The following RXRA variants were observed in gnomAD, a reference collection of about 807,000 sequenced individuals.
RXRA encodes the protein retinoid X receptor alpha, also known as retinoic acid receptor RXR-alpha.
RXRA carries 5 observed loss-of-function variants against 44.5 expected under a neutral mutation model. The ratio of observed to expected loss-of-function variants is 0.11; its 90% CI spans 0.06 to 0.24. The LOEUF (loss-of-function observed/expected upper bound fraction) is 0.24. Among genes scored for constraint, RXRA ranks in the 10% least tolerant of loss-of-function variants. The pLI is 1.00. For synonymous variants in RXRA, 291 were observed against 271.4 expected (o/e 1.07, Z -0.71); for missense variants, 412 against 646.5 (o/e 0.64, Z 3.93).
At chr9:134,372,810 G>A (rs1830506787) in intron 1 of RXRA, among the ~76,000 whole-genome samples, 1 of 152,240 alleles carries the variant, frequency 6.6e-6, no homozygotes, top group South Asian at 2.1e-4. Context: ...CTCTGCCCTT[G>A]TAGGCTGTGT....
At chr9:134,397,985 TA>T (rs1564284771) in intron 1 of RXRA, among the ~76,000 whole-genome samples, 5 of 151,884 alleles carry the variant, frequency 3.3e-5, no homozygotes, top group South Asian at 2.1e-4. Context: ...TTTTATTTTT[TA>T]TTTTTTTTTT....
At chr9:134,403,159 G>C (rs1347486359) in intron 2 of RXRA, 1 of 152,448 alleles carries the variant, frequency 6.6e-6, no homozygotes, top group Admixed American at 6.5e-5. Context: ...GGGGTCTGGA[G>C]CCGGCCTGCT....
rs1830115266 is a variant in RXRA at position 134,343,713 on chromosome 9, G to A, written c.28+17054G>A. Reference sequence around the variant, plus strand: ...ACTTGGTGGACTGCCACGGGCCTGGGGGCCTCGGGACCAACCCTCCATCCG... The same window carrying A: ...ACTTGGTGGACTGCCACGGGCCTGGAGGCCTCGGGACCAACCCTCCATCCG... On this transcript the variant is annotated intron_variant, in intron 1 of 9. Coordinates refer to ENST00000481739, the MANE Select transcript of RXRA (RefSeq NM_002957.6). This position sits in a 1 kb window ranked among gnomAD's most constrained non-coding sequence, Gnocchi z 4.1. Among the ~76,000 whole-genome samples, 1 of 152,108 alleles carries A rather than the reference G, an allele frequency of 6.6e-6. No individual in the cohort carries two copies. The highest frequency in any genetic ancestry group is 6.5e-5 in the Admixed American group (1 of 15,278).
At chr9:134,358,159 G>A (rs531436937) in intron 1 of RXRA, among the ~76,000 whole-genome samples, 19 of 152,270 alleles carry the variant, frequency 1.2e-4, no homozygotes, top group African/African-American at 4.1e-4. Flanking sequence ...TGCCGAGGAC[G>A]GAGCCAGGCG....
At position 134,426,594 on chromosome 9, in the gene RXRA, C is replaced by T. The variant is rs961830954; in HGVS notation, c.911-2514C>T. On this transcript the variant is annotated intron_variant, in intron 6 of 9. Transcript: ENST00000481739. This position sits in a 1 kb window ranked among gnomAD's most constrained non-coding sequence, Gnocchi z 4.6. ...TGAGGGCCGCACCTCGGCTCAGCAG[C>T]GCCTTCTGACCCCAGCCGTGCACTA... The T allele has an allele frequency of 2.1e-5, 21 of 985,318 alleles. No individual in the cohort carries two copies. The highest frequency in any genetic ancestry group is 1.1e-4 in the East Asian group (1 of 8,828). 61.0% of individuals were successfully genotyped at this position (985,318 alleles called of 1,614,324 possible).
At chr9:134,364,944 CAT>C (rs1304076756) in intron 1 of RXRA, among the ~76,000 whole-genome samples, 1 of 152,210 alleles carries the variant, frequency 6.6e-6, no homozygotes, top group African/African-American at 2.4e-5. Context: ...GATGAGGCCT[CAT>C]GTGGGTCCCT....
At chr9:134,388,944 T>C (rs934052393) in intron 1 of RXRA, among the ~76,000 whole-genome samples, 1 of 152,104 alleles carries the variant, frequency 6.6e-6, no homozygotes, top group Non-Finnish European at 1.5e-5. Context: ...GGAAGACACA[T>C]TTCTGGCTCC....
chr9:134,345,131 G>T (rs1830134900), intron 1 of RXRA, among the ~76,000 whole-genome samples: 1 of 152,228 alleles, frequency 6.6e-6, no homozygotes, highest in South Asian at 2.1e-4. Context: ...CCCCTGGTCT[G>T]CTGGGACCAC....
At position 134,343,049 on chromosome 9, in the gene RXRA, C is replaced by G. The variant is rs1830106245; in HGVS notation, c.28+16390C>G. Among the ~76,000 whole-genome samples the G allele has an allele frequency of 6.6e-6, 1 of 152,174 alleles. No homozygotes were observed. The highest frequency in any genetic ancestry group is 2.4e-5 in the African/African-American group (1 of 41,436). On this transcript the variant is annotated intron_variant, in intron 1 of 9. Transcript: ENST00000481739. This position sits in a 1 kb window ranked among gnomAD's most constrained non-coding sequence, Gnocchi z 4.1. ...GCAGATTATGGGATTTTCACCTGCC[C>G]AGCCCTGGGAGGTGTCTTGGACCCA...
At chr9:134,401,604 C>T in intron 1 of RXRA, 28 bp from the exon 2 acceptor site, 3 of 1,612,200 alleles carry the variant, frequency 1.9e-6, no homozygotes, top group Non-Finnish European at 2.5e-6. Context: ...CTGCACTGAC[C>T]ACTCTCCTGC....
chr9:134,416,550 C>T (rs2119176249), intron 4 of RXRA, among the ~76,000 whole-genome samples: 1 of 152,288 alleles, frequency 6.6e-6, no homozygotes, highest in East Asian at 1.9e-4. Context: ...GGCGCCTGCC[C>T]TCCATTTCTG....
chr9:134,438,479 G>C lies in RXRA; in HGVS notation c.*1865G>C, dbSNP rs1831668603. ...CTCCTCCCCGCCGCCCTCCACCCCT[G>C]CCTTTCAGCGTTGTGGATCCCTAGA... On this transcript the variant is annotated 3_prime_UTR_variant, in exon 10 of 10. Transcript: ENST00000481739. The C allele has an allele frequency of 6.6e-6, 1 of 152,372 alleles. No individual in the cohort carries two copies. Among genetic ancestry groups the C allele is most frequent in the Non-Finnish European group, 1.5e-5 (1 of 68,086 alleles). The allele number at this position is 152,372 out of a possible 1,614,324, so 9.4% of individuals were successfully genotyped here.
At position 134,437,844 on chromosome 9, in the gene RXRA, G is replaced by A. The variant is rs1447313850; in HGVS notation, c.*1230G>A. Reference sequence around the variant, plus strand: ...ACGCAGGCCCTGGTGGGACCACCCAGCCTGGTATTGTCCACGGACAGCGTT... The same window carrying A: ...ACGCAGGCCCTGGTGGGACCACCCAACCTGGTATTGTCCACGGACAGCGTT... On this transcript the variant is annotated 3_prime_UTR_variant, in exon 10 of 10. Coordinates refer to ENST00000481739, the MANE Select transcript of RXRA (RefSeq NM_002957.6). The A allele has an allele frequency of 6.6e-6, 1 of 152,252 alleles. No homozygotes were observed. Among genetic ancestry groups the A allele is most frequent in the African/African-American group, 2.4e-5 (1 of 41,452 alleles). 9.4% of individuals were successfully genotyped at this position (152,252 alleles called of 1,614,324 possible). A position where few individuals can be genotyped will look rare whatever the true frequency, so the allele number is the denominator to read the frequency against.
At chr9:134,364,202 C>T (rs1230382789) in intron 1 of RXRA, among the ~76,000 whole-genome samples, 1 of 152,208 alleles carries the variant, frequency 6.6e-6, no homozygotes, top group Non-Finnish European at 1.5e-5. Flanking sequence ...AGGTCCACAG[C>T]GTCACGTGTA....
chr9:134,401,718 C>A lies in RXRA; in HGVS notation c.115C>A (p.Pro39Thr). 1 of 1,613,202 alleles carries A rather than the reference C, an allele frequency of 6.2e-7. No individual in the cohort carries two copies. Among genetic ancestry groups the A allele is most frequent in the Non-Finnish European group, 8.5e-7 (1 of 1,180,006 alleles). The change falls in exon 2 of 10, where the codon CCT (proline) becomes ACT (threonine). Residue 39 changes from proline (P) to threonine (T), a missense_variant. This residue lies in a region of RXRA where 156 missense variants were observed against 177.2 expected (regional missense o/e 0.88). Coordinates refer to ENST00000481739, the MANE Select transcript of RXRA (RefSeq NM_002957.6). Reference protein sequence around the residue: ...AAPSLHPSLGPGIGSPGQLHS... With the variant: ...AAPSLHPSLGTGIGSPGQLHS... ...CCCCTCGCTGCACCCGTCCCTGGGG[C>A]CTGGCATCGGCTCCCCGGGACAGCT...
intron 7 of RXRA, among the ~76,000 whole-genome samples, chr9:134,431,085 G>A (rs1016508225): frequency 2.0e-5 from 3 of 152,216 alleles, no homozygotes; most frequent in Non-Finnish European, 4.4e-5. Flanking sequence ...GCCGCCCTTG[G>A]CCCACAGGGG....
rs532859924 is a variant in RXRA at position 134,355,781 on chromosome 9, C to G, written c.28+29122C>G. On this transcript the variant is annotated intron_variant, in intron 1 of 9. Transcript: ENST00000481739. Reference sequence around the variant, plus strand: ...GTTGGAGGCAGGTAGGGACCTGGCCCGTTGTGCAACCTGCAGCTGTGCAGG... The same window carrying G: ...GTTGGAGGCAGGTAGGGACCTGGCCGGTTGTGCAACCTGCAGCTGTGCAGG... Among the ~76,000 whole-genome samples the G allele has an allele frequency of 3.1e-4, 47 of 152,298 alleles. No homozygotes were observed. The South Asian group carries it at 9.7e-3, about 32-fold the overall frequency.
Position 134,433,560 on chromosome 9 carries a change from G to C in RXRA, c.1136-542G>C, listed in dbSNP as rs1831566727. ...CATTCACAGGGGGTCCCTGGGCCTTGGAGGTTTTGGTGGCTGCAATCTTAG... is the reference window on the plus strand; with the variant it reads ...CATTCACAGGGGGTCCCTGGGCCTTCGAGGTTTTGGTGGCTGCAATCTTAG... On this transcript the variant is annotated intron_variant, in intron 8 of 9. Transcript: ENST00000481739. The surrounding 1 kb of genome is among the most constrained non-coding windows in gnomAD (Gnocchi z 4.2). 6.6e-6 allele frequency among the ~76,000 whole-genome samples: 1 copy of C among 151,994 alleles called. No homozygotes were observed. Among genetic ancestry groups the C allele is most frequent in the South Asian group, 2.1e-4 (1 of 4,826 alleles).
chr9:134,359,297 TGCC>T lies in RXRA; in HGVS notation c.28+32643_28+32645del, dbSNP rs370966957. On this transcript the variant is annotated intron_variant, in intron 1 of 9. Transcript: ENST00000481739. ...GTTGGCTGTGAGATGGGTGTGCTGC[TGCC>T]GCCGGCGGCTCTGAAGTGGGCTTCG... 8.5e-5 allele frequency among the ~76,000 whole-genome samples: 13 copies of T among 152,202 alleles called. No homozygotes were observed. In the East Asian group the frequency reaches 2.5e-3, roughly 29 times the overall value.
Sources: gnomAD v4.1 joint callset for allele counts (sites outside exome capture counted in the v4.1 genomes callset) on GRCh38, gnomAD v4.1.1 for gene constraint, gnomAD v4.1.1 regional missense constraint, Gnocchi (gnomAD v3.1) non-coding constraint, MANE v1.5 for transcripts, NCBI Gene and HGNC (gene_info 2026-07-23, HGNC 2026-07-21) for gene names.